UBE2Q2: variants seen among roughly 807,000 people sequenced by gnomAD.
UBE2Q2 encodes ubiquitin-conjugating enzyme E2 Q2.
A neutral mutation model predicts 59.9 loss-of-function variants in UBE2Q2; 54 were observed. The observed-to-expected ratio is 0.90, with a 90% CI of 0.72 to 1.13. The LOEUF (loss-of-function observed/expected upper bound fraction) is 1.13. UBE2Q2 is among the 50% of genes most tolerant of loss of function. The pLI, the probability that UBE2Q2 is intolerant of heterozygous loss-of-function variation, is 0.00. For synonymous variants in UBE2Q2, 165 were observed against 155.2 expected (o/e 1.06, Z -0.47); for missense variants, 433 against 441.9 (o/e 0.98, Z 0.18).
chr15:75,883,629 T>G (rs550104969), intron 9 of UBE2Q2, among the ~76,000 whole-genome samples: 1 of 151,512 alleles, frequency 6.6e-6, no homozygotes, highest in Admixed American at 6.6e-5. Flanking sequence ...CTTCTAAATA[T>G]AGTGTGCACC....
At chr15:75,844,602 G>C (rs1363919396) in intron 1 of UBE2Q2, 1 of 1,183,236 alleles carries the variant, frequency 8.5e-7, no homozygotes, top group Non-Finnish European at 1.2e-6. Flanking sequence ...ATGTCACAAA[G>C]CCGAAAAGAC....
chr15:75,871,546 G>A (rs924669759), intron 4 of UBE2Q2, among the ~76,000 whole-genome samples: 6 of 152,210 alleles, frequency 3.9e-5, no homozygotes, highest in Non-Finnish European at 5.9e-5. Flanking sequence ...TGTGTCCCTG[G>A]GTACTTGAGA....
intron 2 of UBE2Q2, among the ~76,000 whole-genome samples, 168 bp downstream of exon 2, chr15:75,854,655 GT>G (rs1443296212): frequency 6.6e-6 from 1 of 151,876 alleles, no homozygotes; most frequent in African/African-American, 2.4e-5. Flanking sequence ...TTACTACCTG[GT>G]CTCTCTTTTA....
chr15:75,882,469 T>C (rs1009818947), intron 8 of UBE2Q2, among the ~76,000 whole-genome samples: 2 of 152,196 alleles, frequency 1.3e-5, no homozygotes, highest in Non-Finnish European at 1.5e-5. Context: ...AATTAAATCA[T>C]ACATAATGAA....
At chr15:75,883,157 A>G (rs900468671) in intron 8 of UBE2Q2, among the ~76,000 whole-genome samples, 7 of 151,908 alleles carry the variant, frequency 4.6e-5, no homozygotes, top group African/African-American at 1.7e-4. Flanking sequence ...TCATCAGTTT[A>G]CCATAATGCT....
At chr15:75,867,260 G>A (rs906691586) in intron 3 of UBE2Q2, among the ~76,000 whole-genome samples, 13 of 152,258 alleles carry the variant, frequency 8.5e-5, no homozygotes, top group Admixed American at 2.6e-4. Context: ...ACTCATAGAG[G>A]CCATCAAGAT....
chr15:75,897,392 TGTATTTTTA>T (rs1487009673), intron 12 of UBE2Q2, among the ~76,000 whole-genome samples: 1 of 151,630 alleles, frequency 6.6e-6, no homozygotes, highest in Non-Finnish European at 1.5e-5. Context: ...GTGCCTTTTT[TGTATTTTTA>T]GTAGAGACCG....
chr15:75,861,522 G>T (rs1383542587), intron 3 of UBE2Q2, among the ~76,000 whole-genome samples: 1 of 152,044 alleles, frequency 6.6e-6, no homozygotes, highest in Admixed American at 6.5e-5. Context: ...TTGGAATCTT[G>T]AATCTTCTCA....
At position 75,884,049 on chromosome 15, in the gene UBE2Q2, A is replaced by G. The variant is rs561141397; in HGVS notation, c.884+625A>G. ...CCTATGGAACTGGCTAATTACTCCT[A>G]GAGGTAATACTTGCAGTTTATTAGG... is the stretch of plus-strand genomic sequence containing the variant. On this transcript the variant is annotated intron_variant, in intron 9 of 12. Coordinates refer to ENST00000267938, the MANE Select transcript of UBE2Q2 (RefSeq NM_173469.4). Among the ~76,000 whole-genome samples the G allele has an allele frequency of 2.8e-4, 42 of 152,308 alleles. No individual in the cohort carries two copies. In the South Asian group the frequency reaches 7.7e-3, roughly 28 times the overall value.
At chr15:75,861,637 TA>T (rs1383711087) in intron 3 of UBE2Q2, among the ~76,000 whole-genome samples, 8 of 152,242 alleles carry the variant, frequency 5.3e-5, no homozygotes, top group Non-Finnish European at 1.2e-4. Context: ...ATATTATTTC[TA>T]AATTATTTTT....
chr15:75,884,253 A>C (rs558907750), intron 9 of UBE2Q2, among the ~76,000 whole-genome samples: 1 of 152,222 alleles, frequency 6.6e-6, no homozygotes, highest in African/African-American at 2.4e-5. Context: ...CATAATCTAC[A>C]TTATGGTGGT....
At chr15:75,892,173 A>G (rs947185949) in intron 11 of UBE2Q2, among the ~76,000 whole-genome samples, 1 of 152,234 alleles carries the variant, frequency 6.6e-6, no homozygotes, top group Non-Finnish European at 1.5e-5. Flanking sequence ...GGATTGTGCA[A>G]GATGGTAAAG....
At chr15:75,845,716 A>T (rs28526567) in intron 1 of UBE2Q2, among the ~76,000 whole-genome samples, 14,747 of 152,250 alleles carry the variant, frequency 0.097, 917 homozygotes, top group Admixed American at 0.16. Context: ...GAGTACAGGG[A>T]TACCAAATGT....
At chr15:75,864,427 C>T (rs1897350621) in intron 3 of UBE2Q2, among the ~76,000 whole-genome samples, 1 of 152,080 alleles carries the variant, frequency 6.6e-6, no homozygotes, top group Non-Finnish European at 1.5e-5. Context: ...CATCCTACAA[C>T]ACACAGGAGA....
intron 1 of UBE2Q2, 102 bp from the exon 2 acceptor site, chr15:75,854,284 T>C: frequency 1.3e-6 from 1 of 789,484 alleles, no homozygotes. Flanking sequence ...CCATACATTT[T>C]GTTTAAATCC....
intron 4 of UBE2Q2, among the ~76,000 whole-genome samples, chr15:75,870,992 A>T (rs530359712): frequency 8.5e-5 from 13 of 152,324 alleles, no homozygotes; most frequent in African/African-American, 3.1e-4. Context: ...CAGCATATGG[A>T]GGATCCCGCC....
At chr15:75,868,504 A>C (rs1231370467) in intron 3 of UBE2Q2, among the ~76,000 whole-genome samples, 1 of 152,210 alleles carries the variant, frequency 6.6e-6, no homozygotes, top group East Asian at 1.9e-4. Flanking sequence ...TGACTGTTCA[A>C]AATGTAAGGC....
intron 8 of UBE2Q2, among the ~76,000 whole-genome samples, chr15:75,882,838 C>G (rs2455896): frequency 0.97 from 147,209 of 152,174 alleles, 71,379 homozygotes; most frequent in East Asian, 1. Flanking sequence ...CCTAAGGAGC[C>G]GGAGACTTAG....
intron 1 of UBE2Q2, chr15:75,844,118 A>AG (rs1595844179): frequency 1.4e-6 from 2 of 1,413,382 alleles, no homozygotes; most frequent in South Asian, 1.5e-5. Flanking sequence ...CCTAGCCCCG[A>AG]GGGGGGAGTC....
Sources: gnomAD v4.1 joint callset for allele counts (sites outside exome capture counted in the v4.1 genomes callset) on GRCh38, gnomAD v4.1.1 for gene constraint, MANE v1.5 for transcripts, NCBI Gene and HGNC (gene_info 2026-07-23, HGNC 2026-07-21) for gene names.